Variants in KCNH7 observed in about 807,000 individuals in gnomAD.
KCNH7 encodes the protein voltage-gated inwardly rectifying potassium channel KCNH7.
In KCNH7, 49 loss-of-function variants were observed where a neutral mutation model predicts 120.8. The ratio of observed to expected loss-of-function variants is 0.41; its 90% confidence interval spans 0.32 to 0.51. The LOEUF (loss-of-function observed/expected upper bound fraction) is 0.51, where lower values mean the gene tolerates loss of function less well. Among genes scored for constraint, KCNH7 ranks in the 20% least tolerant of loss-of-function variants. KCNH7 has a pLI of 0.38. For synonymous variants in KCNH7, 547 were observed against 516.1 expected, an observed-to-expected ratio of 1.06 and a Z score of -0.81; for missense variants, 1,097 against 1,446.6, an observed-to-expected ratio of 0.76 and a Z score of 3.92.
intron 2 of KCNH7, among the ~76,000 whole-genome samples, chr2:162,563,944 T>C (rs1425714674): frequency 6.6e-6 from 1 of 152,178 alleles, no homozygotes; most frequent in East Asian, 1.9e-4. Context: ...ACAGCTCTTC[T>C]TCTCAGGGGC....
Position 162,435,380 on chromosome 2 carries a change from A to G in KCNH7, c.1772T>C (p.Leu591Ser). 1 of 1,613,834 alleles carries G rather than the reference A, an allele frequency of 6.2e-7. No homozygotes were observed. The highest frequency in any genetic ancestry group is 8.5e-7 in the Non-Finnish European group (1 of 1,179,850). The change falls in exon 8 of 16, where the codon TTA becomes TCA. Residue 591 changes from leucine (L) to serine (S), a missense_variant. Leu to Ser is a moderately radical substitution (Grantham distance 145, BLOSUM62 -2). This residue lies in a region of KCNH7 where 36 missense variants were observed against 46.8 expected (regional missense o/e 0.77). Transcript: ENST00000332142. ...GTAACGTTTCCCAATTTGCTGTCCT[A>G]AGGAATCCAACCATCCGATTTTGTC... ...LTDKIGWLDS[L>S]GQQIGKRYND...
rs1244805416 is a variant in KCNH7 at position 162,373,545 on chromosome 2, G to A, written c.3249C>T (p.Pro1083=). ...MVTAGSEYQR[P]IIQLMRTSQP... ...GACTGGTTCTCATCAGCTGGATGAT[G>A]GGTCTCTGATATTCTGATCCTGCTG... is the stretch of plus-strand genomic sequence containing the variant. Residue 1083 remains proline, a synonymous_variant, in exon 15 of 16, where the codon CCC becomes CCT. Transcript: ENST00000332142. The A allele has an allele frequency of 1.3e-6, 2 of 1,591,260 alleles. No individual in the cohort carries two copies. The highest frequency in any genetic ancestry group is 1.7e-6 in the Non-Finnish European group (2 of 1,168,832).
chr2:162,580,042 A>G (rs1693820370), intron 2 of KCNH7, among the ~76,000 whole-genome samples: 1 of 152,026 alleles, frequency 6.6e-6, no homozygotes, highest in Non-Finnish European at 1.5e-5. Context: ...GGGCTTGACT[A>G]TAGATCAGGT....
At chr2:162,441,882 G>A (rs183769005) in intron 7 of KCNH7, among the ~76,000 whole-genome samples, 1 of 151,528 alleles carries the variant, frequency 6.6e-6, no homozygotes, top group Admixed American at 6.6e-5. Flanking sequence ...ACATAGGCAA[G>A]CCCAGTTATT....
At position 162,504,494 on chromosome 2, in the gene KCNH7, A is replaced by C. The variant is rs771127638; in HGVS notation, c.1077T>G (p.Ile359Met). ...SSPPSSDKTI[I>M]APKVKDRTHN... ...GTGTTCGATCTTTAACCTTGGGTGC[A>C]ATAATGGTTTTATCTGAAGAAGGAG... Residue 359 changes from isoleucine (I) to methionine (M), a missense_variant, in exon 6 of 16, where the codon ATT (isoleucine) becomes ATG (methionine). Physicochemically the swap from Ile to Met is conservative, Grantham distance 10. Coordinates refer to ENST00000332142, the MANE Select transcript of KCNH7 (RefSeq NM_033272.4). 2 of 1,613,114 alleles carry C rather than the reference A, an allele frequency of 1.2e-6. No homozygotes were observed. The highest frequency in any genetic ancestry group is 1.7e-6 in the Non-Finnish European group (2 of 1,179,386).
At chr2:162,435,118 C>T in intron 8 of KCNH7, 80 bp downstream of exon 8, 1 of 1,309,590 alleles carries the variant, frequency 7.6e-7, no homozygotes, top group Non-Finnish European at 1.0e-6. Flanking sequence ...TTTTTCTTTG[C>T]CTTACTCTAA....
At chr2:162,432,848 C>T (rs1440354208) in intron 8 of KCNH7, among the ~76,000 whole-genome samples, 1 of 152,002 alleles carries the variant, frequency 6.6e-6, no homozygotes, top group Admixed American at 6.6e-5. Flanking sequence ...GGCCTCCAAA[C>T]AGGAAAAGAA....
At chr2:162,794,586 T>C (rs1684071670) in intron 2 of KCNH7, among the ~76,000 whole-genome samples, 1 of 152,076 alleles carries the variant, frequency 6.6e-6, no homozygotes, top group South Asian at 2.1e-4. Context: ...GTTTACTCTT[T>C]CTCTTTTTCT....
At chr2:162,395,286 C>T (rs1400385971) in intron 11 of KCNH7, among the ~76,000 whole-genome samples, 1 of 151,608 alleles carries the variant, frequency 6.6e-6, no homozygotes, top group East Asian at 1.9e-4. Context: ...CTTTGCATAA[C>T]TAATAGTACT....
At chr2:162,565,797 A>T (rs894225304) in intron 2 of KCNH7, among the ~76,000 whole-genome samples, 17 of 152,046 alleles carry the variant, frequency 1.1e-4, no homozygotes, top group Non-Finnish European at 2.5e-4. Context: ...AGAGCAAGTT[A>T]GTGGCTAGGA....
chr2:162,774,098 C>A (rs911508569), intron 2 of KCNH7, among the ~76,000 whole-genome samples: 1 of 151,984 alleles, frequency 6.6e-6, no homozygotes, highest in Non-Finnish European at 1.5e-5. Context: ...AAGGGATATA[C>A]CATGAAATAC....
chr2:162,797,121 CA>C (rs1380089513), intron 2 of KCNH7: 3 of 152,090 alleles, frequency 2.0e-5, no homozygotes, highest in Admixed American at 6.6e-5. Flanking sequence ...ACTGGGACTA[CA>C]GAAGTTTGAC....
At chr2:162,827,868 A>C (rs2105609043) in intron 2 of KCNH7, among the ~76,000 whole-genome samples, 1 of 152,270 alleles carries the variant, frequency 6.6e-6, no homozygotes, top group East Asian at 1.9e-4. Flanking sequence ...CATGAAAATC[A>C]CTGAAAGCAA....
chr2:162,577,029 C>A (rs1030682519), intron 2 of KCNH7, among the ~76,000 whole-genome samples: 5 of 151,722 alleles, frequency 3.3e-5, no homozygotes, highest in African/African-American at 1.2e-4. Context: ...CATCCTCTTG[C>A]CTCAATCTTC....
In KCNH7 at chr2:162,518,011, G is replaced by C; in HGVS notation, c.611C>G (p.Thr204Arg). 1.2e-6 allele frequency: 2 copies of C among 1,612,446 alleles called. No homozygotes were observed. Among genetic ancestry groups the C allele is most frequent in the Non-Finnish European group, 1.7e-6 (2 of 1,178,914 alleles). ...SVAMKHFKSP[T>R]KESCSPSEAD... ...TTCAGAGGGGCTGCAGCTTTCTTTT[G>C]TAGGAGACTTAAAATGCTTCATGGC... Residue 204 changes from threonine (T) to arginine (R), a missense_variant, in exon 4 of 16, where the codon ACA becomes AGA. Thr to Arg is a moderately conservative substitution (Grantham distance 71, BLOSUM62 -1). Coordinates refer to ENST00000332142, the MANE Select transcript of KCNH7 (RefSeq NM_033272.4).
chr2:162,824,366 C>T (rs998394242), intron 2 of KCNH7, among the ~76,000 whole-genome samples: 1 of 152,096 alleles, frequency 6.6e-6, no homozygotes, highest in Admixed American at 6.6e-5. Context: ...GCTAATAGGA[C>T]AGTTGAGGTT....
intron 10 of KCNH7, among the ~76,000 whole-genome samples, chr2:162,399,016 C>G (rs187805390): frequency 7.2e-5 from 11 of 151,976 alleles, no homozygotes. Flanking sequence ...TGGTTCTACA[C>G]AGCAGCAGGG....
chr2:162,461,925 C>T (rs1165220167), intron 6 of KCNH7, among the ~76,000 whole-genome samples: 2 of 151,972 alleles, frequency 1.3e-5, no homozygotes, highest in South Asian at 2.1e-4. Flanking sequence ...TCTCTATTTC[C>T]CTGCAAGTGA....
chr2:162,707,862 G>A (rs1436929082), intron 2 of KCNH7, among the ~76,000 whole-genome samples: 1 of 152,048 alleles, frequency 6.6e-6, no homozygotes, highest in Non-Finnish European at 1.5e-5. Flanking sequence ...CAGTCCCAGT[G>A]CCTCTGCACT....
Sources: allele counts gnomAD v4.1 joint callset (sites outside exome capture counted in the v4.1 genomes callset), GRCh38; gene constraint gnomAD v4.1.1; regional missense constraint gnomAD v4.1.1; transcripts MANE v1.5; gene names NCBI Gene and HGNC (gene_info 2026-07-23, HGNC 2026-07-21).